Variants in METTL27 observed in about 807,000 individuals in gnomAD.
The protein encoded by METTL27 is methyltransferase-like protein 27.
Under a neutral mutation model 24.5 loss-of-function variants are expected in METTL27, and 29 were observed. The ratio of observed to expected loss-of-function variants is 1.18; its 90% confidence interval spans 0.88 to 1.61. The LOEUF is 1.61. Ranked by LOEUF, METTL27 falls within the 40% of genes most tolerant of loss-of-function variation. The pLI, the probability that METTL27 is intolerant of heterozygous loss-of-function variation, is 0.00. For synonymous variants in METTL27, 138 were observed against 146.8 expected (o/e 0.94, Z 0.43); for missense variants, 341 against 324.3 (o/e 1.05, Z -0.40).
At chr7:73,836,513 C>T (rs1788202860) in intron 5 of METTL27, among the ~76,000 whole-genome samples, 2 of 120,632 alleles carry the variant, frequency 1.7e-5, no homozygotes, top group African/African-American at 3.4e-5. Context: ...GGCCAGCCGC[C>T]CCATCCGGGA....
intron 2 of METTL27, 72 bp downstream of exon 2, chr7:73,841,946 G>A: frequency 1.2e-6 from 2 of 1,611,942 alleles, no homozygotes; most frequent in Non-Finnish European, 1.7e-6. Flanking sequence ...CCGGGTGCAA[G>A]GCTGATTCCC....
Position 73,841,214 on chromosome 7 carries a change from C to T in METTL27, c.124-16G>A, listed in dbSNP as rs377252544. ...TGGCCACATCCTGGGGAAAGAGTGC[C>T]GGGCCTACAACACCGGTGCCCCAGT... On this transcript the variant is annotated splice_polypyrimidine_tract_variant and intron_variant, in intron 2 of 5. Transcript: ENST00000297873. 5.0e-5 allele frequency: 77 copies of T among 1,554,070 alleles called. No homozygotes were observed. Among genetic ancestry groups the T allele is most frequent in the Middle Eastern group, 1.7e-4 (1 of 5,870 alleles).
intron 5 of METTL27, among the ~76,000 whole-genome samples, chr7:73,835,791 C>G (rs1788158256): frequency 1.0e-5 from 1 of 99,136 alleles, no homozygotes; most frequent in Non-Finnish European, 2.4e-5. Flanking sequence ...CGGCCGCCAT[C>G]ACATCTAGGA....
In METTL27 at chr7:73,841,185, AG is replaced by A. The variant is rs1554636391; in HGVS notation, c.136del (p.Leu46CysfsTer25). On this transcript the variant is annotated frameshift_variant, in exon 3 of 6. Coordinates refer to ENST00000297873, the MANE Select transcript of METTL27 (RefSeq NM_152559.3). LOFTEE classifies it high-confidence loss of function. ...TGCGAGGCGGGGCGCACGGTACAGC[AG>A]GGTGGCCACATCCTGGGGAAAGAGT... ...APDYDQDVATLLYRAPRLAVD... is the reference protein window; with the variant it reads ...APDYDQDVATXLYRAPRLAVD... The A allele has an allele frequency of 6.4e-7, 1 of 1,557,216 alleles. No individual in the cohort carries two copies. Among genetic ancestry groups the A allele is most frequent in the Admixed American group, 2.1e-5 (1 of 47,828 alleles).
chr7:73,840,809 C>T (rs1788332578), intron 3 of METTL27, among the ~76,000 whole-genome samples: 2 of 152,140 alleles, frequency 1.3e-5, no homozygotes, highest in Admixed American at 1.3e-4. Flanking sequence ...CAGGCGTGCA[C>T]CACCCTGCCT....
At chr7:73,836,089 T>G in intron 5 of METTL27, among the ~76,000 whole-genome samples, 3 of 142,326 alleles carry the variant, frequency 2.1e-5, no homozygotes, top group South Asian at 2.2e-4. Flanking sequence ...GGTGGGGGGG[T>G]CAGCCCCCCG....
chr7:73,842,171 G>A (rs1788385617), intron 1 of METTL27, 27 bp from the exon 2 acceptor site: 1 of 1,583,982 alleles, frequency 6.3e-7, no homozygotes, highest in Non-Finnish European at 8.6e-7. Context: ...GCCCTGTCTC[G>A]AGGTCCACCT....
At chr7:73,838,930 C>G (rs1183746706) in intron 5 of METTL27, among the ~76,000 whole-genome samples, 1 of 152,168 alleles carries the variant, frequency 6.6e-6, no homozygotes, top group Non-Finnish European at 1.5e-5. Flanking sequence ...TCCTTTCTGC[C>G]TTAGGGTGCA....
At chr7:73,838,409 T>C (rs1554635727) in intron 5 of METTL27, among the ~76,000 whole-genome samples, 3 of 152,174 alleles carry the variant, frequency 2.0e-5, no homozygotes, top group Non-Finnish European at 1.5e-5. Flanking sequence ...GCCGGCTGAA[T>C]GGCCTTGTCA....
chr7:73,842,025 T>C lies in METTL27; in HGVS notation c.116A>G (p.Tyr39Cys), dbSNP rs984263405. ...GGCCCCAAATGAGTTTACCTGGTCG[T>C]AGTCCGGAGCCCAGCGGTCATAGAA... ...LHFYDRWAPDYDQDVATLLYR... is the reference protein window; with the variant it reads ...LHFYDRWAPDCDQDVATLLYR... Residue 39 changes from tyrosine to cysteine, a missense_variant, in exon 2 of 6, where the codon TAC becomes TGC. Transcript: ENST00000297873. 4 of 1,614,118 alleles carry C rather than the reference T, an allele frequency of 2.5e-6. No individual in the cohort carries two copies. Among genetic ancestry groups the C allele is most frequent in the Non-Finnish European group, 3.4e-6 (4 of 1,180,004 alleles).
chr7:73,840,625 C>G (rs964118814), intron 3 of METTL27, 76 bp from the exon 4 acceptor site: 56 of 1,503,960 alleles, frequency 3.7e-5, no homozygotes, highest in East Asian at 9.1e-5. Context: ...CTTGGCAGGG[C>G]AGTGGACTCT....
In METTL27 at chr7:73,838,528, G is replaced by C. The variant is rs542128522; in HGVS notation, c.478+1503C>G. ...TGGTCTGGGAAGGTTTCCTGGAGGA[G>C]GGGGTAAGGAGAAGCAGGGTGTTGC... is the stretch of plus-strand genomic sequence containing the variant. On this transcript the variant is annotated intron_variant, in intron 5 of 5. Coordinates refer to ENST00000297873, the MANE Select transcript of METTL27 (RefSeq NM_152559.3). Among the ~76,000 whole-genome samples the C allele has an allele frequency of 2.8e-4, 42 of 152,294 alleles. 1 individual carries two copies. The highest frequency in any genetic ancestry group is 2.5e-3 in the Admixed American group (38 of 15,306).
chr7:73,834,632 C>T lies in METTL27; in HGVS notation c.*111G>A, dbSNP rs1218759180. The T allele has an allele frequency of 1.5e-5, 13 of 877,310 alleles. No homozygotes were observed. The African/African-American group carries it at 2.2e-4, about 15-fold the overall frequency. The allele number at this position is 877,310 out of a possible 1,614,324, so 54.3% of individuals were successfully genotyped here. ...TAATAGGCAGGGCATTTCTGAGGGG[C>T]AGGGTTGGTTCGGAGGTCCCATTTT... On this transcript the variant is annotated 3_prime_UTR_variant, in exon 6 of 6. Transcript: ENST00000297873.
intron 5 of METTL27, among the ~76,000 whole-genome samples, chr7:73,837,720 C>A (rs537117767): frequency 6.6e-6 from 1 of 152,140 alleles, no homozygotes; most frequent in Non-Finnish European, 1.5e-5. Context: ...CGTGCCACCA[C>A]GCCCGGCTAT....
intron 5 of METTL27, among the ~76,000 whole-genome samples, chr7:73,837,171 G>A (rs2130546895): frequency 7.0e-6 from 1 of 143,062 alleles, no homozygotes; most frequent in Admixed American, 7.0e-5. Flanking sequence ...CCTCTGCCTA[G>A]GAAAACCAGA....
chr7:73,836,710 C>G (rs1269830511), intron 5 of METTL27, among the ~76,000 whole-genome samples: 1 of 70,006 alleles, frequency 1.4e-5, no homozygotes, highest in African/African-American at 4.3e-5. Context: ...AAGTGAGGGG[C>G]GCCTCTGCCC....
chr7:73,841,204 G>A lies in METTL27; in HGVS notation c.124-6C>T, dbSNP rs782435758. 1 of 1,558,080 alleles carries A rather than the reference G, an allele frequency of 6.4e-7. No individual in the cohort carries two copies. The highest frequency in any genetic ancestry group is 2.5e-5 in the East Asian group (1 of 40,010). On this transcript the variant is annotated splice_polypyrimidine_tract_variant and splice_region_variant and intron_variant, in intron 2 of 5. Transcript: ENST00000297873. ...TACAGCAGGGTGGCCACATCCTGGG[G>A]AAAGAGTGCCGGGCCTACAACACCG...
intron 5 of METTL27, among the ~76,000 whole-genome samples, chr7:73,836,707 G>A (rs1449792953): frequency 1.4e-5 from 1 of 69,354 alleles, no homozygotes; most frequent in Non-Finnish European, 3.8e-5. Context: ...GGGAAGTGAG[G>A]GGCGCCTCTG....
At chr7:73,840,855 C>G (rs1232409622) in intron 3 of METTL27, among the ~76,000 whole-genome samples, 2 of 152,080 alleles carry the variant, frequency 1.3e-5, no homozygotes, top group African/African-American at 4.8e-5. Flanking sequence ...AGACAGGGGT[C>G]TTGCTATGTT....
Sources: gnomAD v4.1 joint callset for allele counts (sites outside exome capture counted in the v4.1 genomes callset) on GRCh38, gnomAD v4.1.1 for gene constraint, MANE v1.5 for transcripts, NCBI Gene and HGNC (gene_info 2026-07-23, HGNC 2026-07-21) for gene names.